NKAIN3: variants seen among roughly 807,000 people sequenced by gnomAD.
The protein encoded by NKAIN3 is sodium/potassium-transporting ATPase subunit beta-1-interacting protein 3.
A neutral mutation model predicts 30.2 loss-of-function variants in NKAIN3; 25 were observed. The observed-to-expected ratio is 0.83, with a 90% confidence interval of 0.60 to 1.16. The LOEUF (loss-of-function observed/expected upper bound fraction) is 1.16, where lower values mean the gene tolerates loss of function less well. Among genes scored for constraint, NKAIN3 ranks in the 50% most tolerant of loss-of-function variants. The pLI, the probability that NKAIN3 is intolerant of heterozygous loss-of-function variation, is 0.00. For missense variants in NKAIN3, 225 were observed against 254.1 expected, an observed-to-expected ratio of 0.89 and a Z score of 0.78; for synonymous variants, 91 against 89.6, an observed-to-expected ratio of 1.02 and a Z score of -0.09.
intron 4 of NKAIN3, among the ~76,000 whole-genome samples, chr8:62,886,344 T>G (rs1821147072): frequency 6.6e-6 from 1 of 152,048 alleles, no homozygotes; most frequent in Non-Finnish European, 1.5e-5. Flanking sequence ...CAGAAGCATA[T>G]GTAAACATAT....
intron 1 of NKAIN3, among the ~76,000 whole-genome samples, chr8:62,538,808 A>G (rs1384860181): frequency 6.6e-6 from 1 of 152,198 alleles, no homozygotes; most frequent in South Asian, 2.1e-4. Context: ...CTTGAATCCT[A>G]GTAGATGACT....
intron 5 of NKAIN3, among the ~76,000 whole-genome samples, chr8:62,997,904 G>A (rs1804157837): frequency 6.6e-6 from 1 of 152,056 alleles, no homozygotes; most frequent in Non-Finnish European, 1.5e-5. Context: ...ACCCCTTAGG[G>A]CTTTTTGGAG....
chr8:62,651,863 G>C (rs1320631861), intron 3 of NKAIN3, among the ~76,000 whole-genome samples: 1 of 152,062 alleles, frequency 6.6e-6, no homozygotes, highest in Non-Finnish European at 1.5e-5. Flanking sequence ...CTTGCTATGT[G>C]ACATGCCTGT....
intron 3 of NKAIN3, among the ~76,000 whole-genome samples, chr8:62,743,328 T>C (rs1815966938): frequency 6.6e-6 from 1 of 152,180 alleles, no homozygotes; most frequent in Admixed American, 6.5e-5. Context: ...CTGAAATAGA[T>C]AGAAATCAGA....
chr8:62,281,122 A>T (rs893218524), intron 1 of NKAIN3, among the ~76,000 whole-genome samples: 3 of 152,258 alleles, frequency 2.0e-5, no homozygotes, highest in Middle Eastern at 6.8e-3. Context: ...TGTGCCCAGG[A>T]ATTCATCAAT....
chr8:62,955,902 T>C (rs915748797), intron 6 of NKAIN3, among the ~76,000 whole-genome samples: 4 of 152,250 alleles, frequency 2.6e-5, no homozygotes, highest in African/African-American at 9.6e-5. Flanking sequence ...TAGCTGAATA[T>C]AGCATAAACT....
chr8:62,420,048 A>G (rs1168869798), intron 1 of NKAIN3, among the ~76,000 whole-genome samples: 1 of 152,016 alleles, frequency 6.6e-6, no homozygotes, highest in Non-Finnish European at 1.5e-5. Context: ...CTTTCCTACT[A>G]TGTTTTAGGA....
intron 4 of NKAIN3, chr8:62,864,032 T>A: frequency 4.2e-6 from 3 of 708,292 alleles, no homozygotes; most frequent in Non-Finnish European, 7.7e-6. Context: ...TTCTCTCTTT[T>A]CGGCCTCCGC....
At chr8:62,617,861 C>T (rs1366604373) in intron 3 of NKAIN3, among the ~76,000 whole-genome samples, 2 of 152,138 alleles carry the variant, frequency 1.3e-5, no homozygotes, top group African/African-American at 2.4e-5. Context: ...CTTATCTAGG[C>T]AGAGGGAAGG....
chr8:62,571,548 C>T (rs747432253), intron 1 of NKAIN3, among the ~76,000 whole-genome samples: 1 of 152,148 alleles, frequency 6.6e-6, no homozygotes, highest in Non-Finnish European at 1.5e-5. Context: ...GGCAGTACCC[C>T]AGTGCAGACT....
At position 62,586,007 on chromosome 8, in the gene NKAIN3, C is replaced by T. The variant is rs1250109648; in HGVS notation, c.193-3707C>T. Among the ~76,000 whole-genome samples the T allele has an allele frequency of 3.3e-5, 5 of 152,148 alleles. No individual in the cohort carries two copies. The East Asian group carries it at 7.7e-4, about 24-fold the overall frequency. On this transcript the variant is annotated intron_variant, in intron 2 of 6. Transcript: ENST00000623646. ...TTTAACTCACATGCAGATGAATTAG[C>T]AAATTTGTTTAACATTTTTTGAAAT...
chr8:62,840,333 A>G (rs949217689), intron 4 of NKAIN3, among the ~76,000 whole-genome samples: 3 of 151,438 alleles, frequency 2.0e-5, no homozygotes, highest in Admixed American at 6.6e-5. Context: ...CACTATAGAC[A>G]TATCCATCAA....
At chr8:62,526,320 T>A (rs2351953) in intron 1 of NKAIN3, among the ~76,000 whole-genome samples, 136,038 of 152,172 alleles carry the variant, frequency 0.89, 61,003 homozygotes, top group Middle Eastern at 0.95. Flanking sequence ...TGAAAGACAT[T>A]AATCAGTACC....
At chr8:62,784,325 A>C (rs1016589947) in intron 4 of NKAIN3, among the ~76,000 whole-genome samples, 7 of 152,190 alleles carry the variant, frequency 4.6e-5, no homozygotes, top group Middle Eastern at 3.4e-3. Flanking sequence ...ACAGGAAAAA[A>C]TCAGTACAAC....
At chr8:62,907,724 C>T (rs1441756583) in intron 4 of NKAIN3, among the ~76,000 whole-genome samples, 4 of 152,158 alleles carry the variant, frequency 2.6e-5, no homozygotes, top group Non-Finnish European at 5.9e-5. Flanking sequence ...CTTGCAGAGG[C>T]ACAGAAATTA....
intron 4 of NKAIN3, among the ~76,000 whole-genome samples, chr8:62,783,335 C>T (rs1817416839): frequency 6.6e-6 from 1 of 152,120 alleles, no homozygotes; most frequent in Non-Finnish European, 1.5e-5. Context: ...TGCAAGAAAT[C>T]AGCAGTCTGC....
At chr8:62,405,819 T>C (rs1206223277) in intron 1 of NKAIN3, among the ~76,000 whole-genome samples, 1 of 152,234 alleles carries the variant, frequency 6.6e-6, no homozygotes, top group African/African-American at 2.4e-5. Flanking sequence ...ATGTTTCTAT[T>C]TGGCCACCTT....
intron 5 of NKAIN3, among the ~76,000 whole-genome samples, chr8:62,949,610 C>T (rs770042686): frequency 1.3e-5 from 2 of 152,186 alleles, no homozygotes; most frequent in African/African-American, 2.4e-5. Flanking sequence ...GCTGCAGGCT[C>T]TCTCCAGGGG....
At chr8:62,653,218 A>G (rs1812675495) in intron 3 of NKAIN3, among the ~76,000 whole-genome samples, 1 of 152,160 alleles carries the variant, frequency 6.6e-6, no homozygotes, top group South Asian at 2.1e-4. Flanking sequence ...GCCAGCATGG[A>G]CAGATTCTGG....
Sources: gnomAD v4.1 joint callset for allele counts (sites outside exome capture counted in the v4.1 genomes callset) on GRCh38, gnomAD v4.1.1 for gene constraint, MANE v1.5 for transcripts, NCBI Gene and HGNC (gene_info 2026-07-23, HGNC 2026-07-21) for gene names.